The following MGAT5B variants were observed in gnomAD, a reference collection of about 807,000 sequenced individuals.
MGAT5B encodes the protein alpha-1,6-mannosylglycoprotein 6-beta-N-acetylglucosaminyltransferase B.
In MGAT5B, 54 loss-of-function variants were observed where a neutral mutation model predicts 95.1. The ratio of observed to expected loss-of-function variants is 0.57; its 90% confidence interval spans 0.46 to 0.71. The LOEUF (loss-of-function observed/expected upper bound fraction) is 0.71, where lower values mean the gene tolerates loss of function less well. Ranked by LOEUF, MGAT5B falls within the 30% of genes least tolerant of loss-of-function variation. MGAT5B has a pLI of 0.00. For missense variants in MGAT5B, 935 were observed against 1,088.6 expected (o/e 0.86, Z 1.99); for synonymous variants, 464 against 451.0 (o/e 1.03, Z -0.36).
At position 76,924,872 on chromosome 17, in the gene MGAT5B, C is replaced by T. The variant is rs998002782; in HGVS notation, c.1026-94C>T. 5.4e-6 allele frequency: 8 copies of T among 1,485,192 alleles called. No individual in the cohort carries two copies. In the South Asian group the frequency reaches 8.6e-5, roughly 16 times the overall value. 92.0% of individuals were successfully genotyped at this position (1,485,192 alleles called of 1,614,324 possible). On this transcript the variant is annotated intron_variant, in intron 8 of 17. Transcript: ENST00000569840. ...GAGAGTCTGTGCTAAGCTCTCTGCA[C>T]TTGTACAGTTCATTCTGGGCTCTAA... is the stretch of plus-strand genomic sequence containing the variant.
intron 10 of MGAT5B, among the ~76,000 whole-genome samples, chr17:76,932,018 C>T (rs1969493849): frequency 6.6e-6 from 1 of 151,510 alleles, no homozygotes; most frequent in African/African-American, 2.4e-5. Flanking sequence ...CTTCTTTCTT[C>T]TTCCTCCTCC....
chr17:76,922,367 T>A (rs1258954360), intron 8 of MGAT5B, among the ~76,000 whole-genome samples: 1 of 152,170 alleles, frequency 6.6e-6, no homozygotes, highest in Non-Finnish European at 1.5e-5. Flanking sequence ...TTGTGTCCTT[T>A]TGTGTGTGGT....
chr17:76,908,275 C>CTTTTTTTTTTTTTTTTTTTTT (rs5822149), intron 8 of MGAT5B, among the ~76,000 whole-genome samples: 2 of 103,072 alleles, frequency 1.9e-5, no homozygotes, highest in Non-Finnish European at 3.8e-5. Context: ...TTTCTTTCTT[C>CTTTTTTTTTTTTTTTTTTTTT]TTTTTTTTTT....
chr17:76,897,506 T>A (rs1249200001), intron 3 of MGAT5B, among the ~76,000 whole-genome samples: 1 of 151,994 alleles, frequency 6.6e-6, no homozygotes, highest in African/African-American at 2.4e-5. Flanking sequence ...ATCACTCCGC[T>A]CTCTGCCTGC....
At chr17:76,911,582 G>A (rs1476902155) in intron 8 of MGAT5B, among the ~76,000 whole-genome samples, 3 of 152,212 alleles carry the variant, frequency 2.0e-5, no homozygotes, top group African/African-American at 7.2e-5. Context: ...TTTCTTGGAT[G>A]TACTTTCTTC....
chr17:76,948,575 C>G (rs1970107617), intron 17 of MGAT5B, 65 bp from the exon 18 acceptor site: 1 of 1,476,736 alleles, frequency 6.8e-7, no homozygotes, highest in East Asian at 2.4e-5. Context: ...GCAGCCCCTA[C>G]CCCGCCCCAG....
chr17:76,948,145 A>G lies in MGAT5B; in HGVS notation c.2180+59A>G, dbSNP rs959850226. Reference sequence around the variant, plus strand: ...TATCATCGCTGGCCCAGCCGGGTTCACTGAGAGCTCTCATGCCCAGAACCG... The same window carrying G: ...TATCATCGCTGGCCCAGCCGGGTTCGCTGAGAGCTCTCATGCCCAGAACCG... On this transcript the variant is annotated intron_variant, in intron 17 of 17. Coordinates refer to ENST00000569840, the MANE Select transcript of MGAT5B (RefSeq NM_001199172.2). 2.0e-6 allele frequency: 3 copies of G among 1,525,166 alleles called. No homozygotes were observed. In the African/African-American group the frequency reaches 4.2e-5, roughly 21 times the overall value. The allele number at this position is 1,525,166 out of a possible 1,614,324, so 94.5% of individuals were successfully genotyped here.
rs1260346424 is a variant in MGAT5B, at chr17:76,914,190, A to G, written c.1025+8003A>G. On this transcript the variant is annotated intron_variant, in intron 8 of 17. Transcript: ENST00000569840. This position sits in a 1 kb window ranked among gnomAD's most constrained non-coding sequence, Gnocchi z 5.1. ...AAGAGAATTTGGCCACAAAGATGTC[A>G]TTGCTGACTTTGGAAAGAGCATTGT... 1 of 198,428 alleles carries G rather than the reference A, an allele frequency of 5.0e-6. No individual in the cohort carries two copies. Among genetic ancestry groups the G allele is most frequent in the Non-Finnish European group, 1.0e-5 (1 of 95,856 alleles). 12.3% of individuals were successfully genotyped at this position (198,428 alleles called of 1,614,324 possible). A position where few individuals can be genotyped will look rare whatever the true frequency, so the allele number is the denominator to read the frequency against.
Position 76,894,430 on chromosome 17 carries a change from G to A in MGAT5B, c.330-8125G>A, listed in dbSNP as rs137907977. Among the ~76,000 whole-genome samples the A allele has an allele frequency of 2.0e-3, 300 of 152,334 alleles. 2 individuals carry two copies. Among genetic ancestry groups the A allele is most frequent in the African/African-American group, 6.7e-3 (277 of 41,570 alleles). On this transcript the variant is annotated intron_variant, in intron 3 of 17. Transcript: ENST00000569840. ...AGAGTATAGAAAGAGCTTGGCAAGC[G>A]AGTGCTCAATGCCTGTTGGCTGTGT...
chr17:76,900,160 C>A (rs1162216996), intron 3 of MGAT5B, among the ~76,000 whole-genome samples: 1 of 152,164 alleles, frequency 6.6e-6, no homozygotes, highest in Non-Finnish European at 1.5e-5. Flanking sequence ...TCTGAGCTTC[C>A]TCTCATCTCC....
At chr17:76,872,583 G>C in intron 1 of MGAT5B, 1 of 1,363,164 alleles carries the variant, frequency 7.3e-7, no homozygotes, top group African/African-American at 1.5e-5. Flanking sequence ...CTGGAGGCTA[G>C]AGCCCGCCTG....
rs1419885254 is a variant in MGAT5B at position 76,912,559 on chromosome 17, G to A, written c.1025+6372G>A. 2.0e-5 allele frequency among the ~76,000 whole-genome samples: 3 copies of A among 152,100 alleles called. No individual in the cohort carries two copies. Among genetic ancestry groups the A allele is most frequent in the African/African-American group, 2.4e-5 (1 of 41,404 alleles). On this transcript the variant is annotated intron_variant, in intron 8 of 17. Coordinates refer to ENST00000569840, the MANE Select transcript of MGAT5B (RefSeq NM_001199172.2). The surrounding 1 kb of genome is among the most constrained non-coding windows in gnomAD (Gnocchi z 5.0). Reference sequence around the variant, plus strand: ...TTGTAGTTTATTCGCAGATGTTCACGGCAGATGTCCTGGCCACTGATGGAG... The same window carrying A: ...TTGTAGTTTATTCGCAGATGTTCACAGCAGATGTCCTGGCCACTGATGGAG...
At position 76,940,518 on chromosome 17, in the gene MGAT5B, G is replaced by T. The variant is rs199610173; in HGVS notation, c.1701G>T (p.Glu567Asp). 6.2e-7 allele frequency: 1 copy of T among 1,613,450 alleles called. No homozygotes were observed. The highest frequency in any genetic ancestry group is 8.5e-7 in the Non-Finnish European group (1 of 1,179,624). ...FSPPHSSLNH[E>D]FFRGKPTSRE... ...CGCCCCACAGCTCCCTCAACCACGA[G>T]TTCTTCCGAGGCAAGCCCACCTCCA... The change falls in exon 14 of 18, where the codon GAG (glutamate) becomes GAT (aspartate). Residue 567 changes from glutamate (E) to aspartate (D), a missense_variant. Glu to Asp is a conservative substitution (Grantham distance 45). This residue lies in a region of MGAT5B where 440 missense variants were observed against 523.6 expected (regional missense o/e 0.84). Transcript: ENST00000569840. The surrounding 1 kb of genome is among the most constrained non-coding windows in gnomAD (Gnocchi z 4.3).
intron 17 of MGAT5B, among the ~76,000 whole-genome samples, chr17:76,948,415 G>T (rs1219083126): frequency 1.3e-5 from 2 of 152,196 alleles, no homozygotes; most frequent in African/African-American, 4.8e-5. Context: ...TACTGGGTCT[G>T]CCTGGGTCCC....
Position 76,914,579 on chromosome 17 carries a change from T to A in MGAT5B, c.1025+8392T>A, listed in dbSNP as rs952353450. 6.6e-6 allele frequency among the ~76,000 whole-genome samples: 1 copy of A among 152,020 alleles called. No individual in the cohort carries two copies. The highest frequency in any genetic ancestry group is 6.5e-5 in the Admixed American group (1 of 15,278). On this transcript the variant is annotated intron_variant, in intron 8 of 17. Transcript: ENST00000569840. The surrounding 1 kb of genome is among the most constrained non-coding windows in gnomAD (Gnocchi z 5.1). ...GGTGTTCTTAGAGGGGTAGATGGTG[T>A]TCTCCCTACGTCCACATCTCTTCCT...
intron 9 of MGAT5B, 62 bp from the exon 10 acceptor site, chr17:76,926,535 C>CTTCA: frequency 6.5e-7 from 1 of 1,533,326 alleles, no homozygotes; most frequent in African/African-American, 1.4e-5. Context: ...GCTGGGGCAA[C>CTTCA]TTCAGCCCAG....
At position 76,916,623 on chromosome 17, in the gene MGAT5B, A is replaced by G. The variant is rs1968947715; in HGVS notation, c.1026-8343A>G. ...AGACCAACCTGAGCAAGGAAACCTCATCTCTACAAGAAAAAACTCAGAAAG... is the reference window on the plus strand; with the variant it reads ...AGACCAACCTGAGCAAGGAAACCTCGTCTCTACAAGAAAAAACTCAGAAAG... On this transcript the variant is annotated intron_variant, in intron 8 of 17. Transcript: ENST00000569840. This position sits in a 1 kb window ranked among gnomAD's most constrained non-coding sequence, Gnocchi z 5.3. Among the ~76,000 whole-genome samples the G allele has an allele frequency of 6.6e-6, 1 of 152,186 alleles. No individual in the cohort carries two copies. The highest frequency in any genetic ancestry group is 1.5e-5 in the Non-Finnish European group (1 of 68,020).
chr17:76,913,345 G>A (rs1433462449), intron 8 of MGAT5B, among the ~76,000 whole-genome samples: 4 of 152,242 alleles, frequency 2.6e-5, no homozygotes, highest in Non-Finnish European at 5.9e-5. Context: ...CTGAACCAAT[G>A]CAAACTGGGC....
chr17:76,926,356 C>G (rs1051309485), intron 9 of MGAT5B, among the ~76,000 whole-genome samples: 1 of 152,166 alleles, frequency 6.6e-6, no homozygotes, highest in Non-Finnish European at 1.5e-5. Flanking sequence ...AGGAGCTTCC[C>G]TACAACCCTG....
Sources: gnomAD v4.1 joint callset for allele counts (sites outside exome capture counted in the v4.1 genomes callset) on GRCh38, gnomAD v4.1.1 for gene constraint, gnomAD v4.1.1 regional missense constraint, Gnocchi (gnomAD v3.1) non-coding constraint, MANE v1.5 for transcripts, NCBI Gene and HGNC (gene_info 2026-07-23, HGNC 2026-07-21) for gene names.